Variants in LRP1B observed in about 807,000 individuals in gnomAD.
LRP1B encodes the protein LDL receptor related protein 1B.
In LRP1B, 217 loss-of-function variants were observed where a neutral mutation model predicts 556.6. The observed-to-expected ratio is 0.39, with a 90% confidence interval of 0.35 to 0.44. The LOEUF (loss-of-function observed/expected upper bound fraction) is 0.44, where lower values mean the gene tolerates loss of function less well. Ranked by LOEUF, LRP1B falls within the 20% of genes least tolerant of loss-of-function variation. LRP1B has a pLI of 1.00. For missense variants in LRP1B, 5,053 were observed against 5,620.8 expected, an observed-to-expected ratio of 0.90 and a Z score of 3.23; for synonymous variants, 2,047 against 1,865.8, an observed-to-expected ratio of 1.10 and a Z score of -2.50.
At chr2:141,248,366 A>T (rs1684143662) in intron 4 of LRP1B, among the ~76,000 whole-genome samples, 1 of 152,166 alleles carries the variant, frequency 6.6e-6, no homozygotes, top group East Asian at 1.9e-4. Context: ...ATGATACTAT[A>T]CATTTCCTTA....
At chr2:140,413,950 T>G (rs981252101) in intron 66 of LRP1B, among the ~76,000 whole-genome samples, 1 of 152,180 alleles carries the variant, frequency 6.6e-6, no homozygotes, top group African/African-American at 2.4e-5. Flanking sequence ...CAGGGTCTCA[T>G]TCTGTCAGCC....
intron 2 of LRP1B, among the ~76,000 whole-genome samples, chr2:141,724,026 T>C (rs1381538761): frequency 6.6e-6 from 1 of 151,918 alleles, no homozygotes; most frequent in Non-Finnish European, 1.5e-5. Context: ...AAATGATTAC[T>C]GGAAAGATTT....
At chr2:141,879,263 G>A (rs1212099568) in intron 1 of LRP1B, among the ~76,000 whole-genome samples, 1 of 151,648 alleles carries the variant, frequency 6.6e-6, no homozygotes, top group Admixed American at 6.6e-5. Flanking sequence ...TAACACATAT[G>A]ATTCTGATAT....
At chr2:141,233,064 T>C (rs1319166249) in intron 5 of LRP1B, among the ~76,000 whole-genome samples, 2 of 152,216 alleles carry the variant, frequency 1.3e-5, no homozygotes, top group African/African-American at 4.8e-5. Context: ...GATATAAGAC[T>C]GACCAGAATA....
At chr2:140,357,945 T>G (rs1682309593) in intron 74 of LRP1B, 34 bp downstream of exon 74, 1 of 1,592,442 alleles carries the variant, frequency 6.3e-7, no homozygotes, top group Middle Eastern at 1.7e-4. Context: ...GACTTGTGTA[T>G]CCCGGTGCTT....
chr2:141,702,676 T>A (rs1558814777), intron 2 of LRP1B, among the ~76,000 whole-genome samples: 1 of 151,822 alleles, frequency 6.6e-6, no homozygotes, highest in Non-Finnish European at 1.5e-5. Flanking sequence ...GTTTTAAGCA[T>A]ATTTTTCCAG....
chr2:140,542,138 ATATTT>A (rs1680159541), intron 43 of LRP1B, among the ~76,000 whole-genome samples, 167 bp from the exon 44 acceptor site: 1 of 133,916 alleles, frequency 7.5e-6, no homozygotes, highest in Non-Finnish European at 1.7e-5. Flanking sequence ...AATATGCTTT[ATATTT>A]TATTTAAAAT....
intron 35 of LRP1B, among the ~76,000 whole-genome samples, chr2:140,748,390 T>TAATATATATGTATATATGTATA (rs1456155100): frequency 0.099 from 2,233 of 22,580 alleles, 156 homozygotes; most frequent in Non-Finnish European, 0.24. Context: ...TATTCATATA[T>TAATATATATGTATATATGTATA]TATATTCATA....
chr2:141,321,727 G>A (rs1427676597), intron 3 of LRP1B, among the ~76,000 whole-genome samples: 2 of 152,032 alleles, frequency 1.3e-5, no homozygotes, highest in Non-Finnish European at 2.9e-5. Flanking sequence ...TGAATAAACA[G>A]TAACTTGTTT....
intron 7 of LRP1B, among the ~76,000 whole-genome samples, chr2:141,175,337 G>A (rs1314896140): frequency 1.3e-5 from 2 of 152,128 alleles, no homozygotes; most frequent in Admixed American, 1.3e-4. Context: ...CCCACCACAG[G>A]CCTTGAGGCC....
At chr2:141,618,492 A>T (rs908792913) in intron 2 of LRP1B, among the ~76,000 whole-genome samples, 1 of 152,224 alleles carries the variant, frequency 6.6e-6, no homozygotes, top group African/African-American at 2.4e-5. Flanking sequence ...ATGTTTCCCT[A>T]ATTATAGACA....
intron 20 of LRP1B, among the ~76,000 whole-genome samples, chr2:140,945,379 G>A (rs1025877849): frequency 2.6e-5 from 4 of 151,760 alleles, no homozygotes; most frequent in Admixed American, 2.0e-4. Flanking sequence ...AATTCATATA[G>A]AAAATAATTC....
chr2:141,516,326 A>C (rs1454258126), intron 2 of LRP1B, among the ~76,000 whole-genome samples: 1 of 152,154 alleles, frequency 6.6e-6, no homozygotes, highest in Non-Finnish European at 1.5e-5. Context: ...ATTATGCTCA[A>C]ATCTCCTCTT....
At chr2:140,672,734 C>CT (rs910530888) in intron 41 of LRP1B, among the ~76,000 whole-genome samples, 2 of 152,130 alleles carry the variant, frequency 1.3e-5, no homozygotes, top group Non-Finnish European at 2.9e-5. Flanking sequence ...CCTCCTCTCT[C>CT]TTTCTCTTAC....
chr2:140,859,731 C>A (rs1459389284), intron 27 of LRP1B, among the ~76,000 whole-genome samples: 1 of 151,922 alleles, frequency 6.6e-6, no homozygotes, highest in Non-Finnish European at 1.5e-5. Context: ...GCGGTGGCTC[C>A]CGACTGTAAT....
At chr2:140,512,649 AC>A (rs1261392625) in intron 51 of LRP1B, among the ~76,000 whole-genome samples, 1 of 152,190 alleles carries the variant, frequency 6.6e-6, no homozygotes, top group Non-Finnish European at 1.5e-5. Context: ...ATGGAAATAA[AC>A]TAGACCATGG....
chr2:140,926,222 T>C (rs1694882096), intron 20 of LRP1B, among the ~76,000 whole-genome samples: 1 of 152,064 alleles, frequency 6.6e-6, no homozygotes, highest in South Asian at 2.1e-4. Context: ...CTAAAGAGGA[T>C]AACGATTCTC....
chr2:141,436,074 G>T, intron 3 of LRP1B, among the ~76,000 whole-genome samples: 1 of 152,124 alleles, frequency 6.6e-6, no homozygotes, highest in East Asian at 1.9e-4. Flanking sequence ...GACTCTTTCT[G>T]TTCTTTCAAA....
At chr2:141,461,869 T>C (rs183282946) in intron 3 of LRP1B, among the ~76,000 whole-genome samples, 2 of 152,300 alleles carry the variant, frequency 1.3e-5, no homozygotes, top group East Asian at 3.9e-4. Flanking sequence ...AATAATTACT[T>C]TGTCATCGTA....
Sources: gnomAD v4.1 joint callset for allele counts (sites outside exome capture counted in the v4.1 genomes callset) on GRCh38, gnomAD v4.1.1 for gene constraint, MANE v1.5 for transcripts, NCBI Gene and HGNC (gene_info 2026-07-23, HGNC 2026-07-21) for gene names.